DDX42: variants seen among roughly 807,000 people sequenced by gnomAD.
DDX42 encodes the protein DEAD-box helicase 42, also known as ATP-dependent RNA helicase DDX42.
In DDX42, 22 loss-of-function variants were observed where a neutral mutation model predicts 101.5. The observed-to-expected ratio is 0.22, with a 90% CI of 0.15 to 0.31. The LOEUF (loss-of-function observed/expected upper bound fraction) is 0.31, where lower values mean the gene tolerates loss of function less well. Ranked by LOEUF, DDX42 falls within the 10% of genes least tolerant of loss-of-function variation. The probability of loss-of-function intolerance (pLI) is 1.00; values close to 1 mark genes in which losing one functional copy is unlikely to be tolerated. For synonymous variants in DDX42, 402 were observed against 401.2 expected (o/e 1.00, Z -0.02); for missense variants, 849 against 1,199.9 (o/e 0.71, Z 4.32).
chr17:63,805,109 G>T lies in DDX42; in HGVS notation c.660G>T (p.Glu220Asp). The T allele has an allele frequency of 1.9e-6, 3 of 1,612,978 alleles. No individual in the cohort carries two copies. Among genetic ancestry groups the T allele is most frequent in the Non-Finnish European group, 2.5e-6 (3 of 1,179,772 alleles). ...CATTTGAAAAAAACTTTTACAATGA[G>T]CATGAAGAGATAACCAACCTCACTC... Reference protein sequence around the residue: ...YPPFEKNFYNEHEEITNLTPQ... With the variant: ...YPPFEKNFYNDHEEITNLTPQ... The change falls in exon 7 of 18, where the codon GAG (glutamate) becomes GAT (aspartate). Residue 220 changes from glutamate to aspartate, a missense_variant. Glu to Asp is a conservative substitution (Grantham distance 45). Transcript: ENST00000389924.
chr17:63,782,828 G>A (rs993062316), intron 1 of DDX42, among the ~76,000 whole-genome samples: 10 of 152,190 alleles, frequency 6.6e-5, no homozygotes, highest in Middle Eastern at 3.4e-3. Flanking sequence ...TAAAATTAAC[G>A]ATTCTTTGTA....
intron 1 of DDX42, among the ~76,000 whole-genome samples, chr17:63,785,197 A>C (rs554237779): frequency 6.6e-6 from 1 of 152,026 alleles, no homozygotes; most frequent in South Asian, 2.1e-4. Context: ...GGCCAGGTGC[A>C]GGGGCTCATG....
At chr17:63,811,391 T>C (rs901428220) in intron 13 of DDX42, 7 of 451,320 alleles carry the variant, frequency 1.6e-5, no homozygotes, top group Non-Finnish European at 2.8e-5. Flanking sequence ...ATGAGTTGAT[T>C]TTGTTCATTT....
In DDX42 at chr17:63,806,521, G is replaced by C. The variant is rs944761008; in HGVS notation, c.727-14G>C. The C allele has an allele frequency of 1.9e-6, 3 of 1,606,240 alleles. No homozygotes were observed. The highest frequency in any genetic ancestry group is 1.3e-5 in the African/African-American group (1 of 74,512). ...GAAGTACAAGTCATTCTGGGGAGTT[G>C]TCTCTATCTCTAGGTCTCTGGTGCT... On this transcript the variant is annotated splice_polypyrimidine_tract_variant and intron_variant, in intron 7 of 17. Transcript: ENST00000389924.
chr17:63,816,976 A>G lies in DDX42; in HGVS notation c.2112+10A>G. On this transcript the variant is annotated intron_variant, in intron 17 of 17. Transcript: ENST00000389924. Reference sequence around the variant, plus strand: ...GAAAGCAGCTTTCCAGGTCTGAAATAAGCATTTCATTAAAAGCACTTTCAG... The same window carrying G: ...GAAAGCAGCTTTCCAGGTCTGAAATGAGCATTTCATTAAAAGCACTTTCAG... The G allele has an allele frequency of 6.2e-7, 1 of 1,611,184 alleles. No individual in the cohort carries two copies. The highest frequency in any genetic ancestry group is 8.5e-7 in the Non-Finnish European group (1 of 1,177,984).
chr17:63,800,370 A>G lies in DDX42; in HGVS notation c.472-98A>G, dbSNP rs888022488. The stretch of plus-strand genomic sequence containing the variant: ...CTTGCCTTACTTGGTAGGTATGTTA[A>G]CTGTGCAATTATCTGGTACACTATG... On this transcript the variant is annotated intron_variant, in intron 5 of 17. Coordinates refer to ENST00000389924, the MANE Select transcript of DDX42 (RefSeq NM_203499.3). 54 of 1,164,242 alleles carry G rather than the reference A, an allele frequency of 4.6e-5. No individual in the cohort carries two copies. In the East Asian group the frequency reaches 1.0e-3, roughly 22 times the overall value. 72.1% of individuals were successfully genotyped at this position (1,164,242 alleles called of 1,614,324 possible).
chr17:63,818,611 G>A lies in DDX42; in HGVS notation c.*213G>A, dbSNP rs1468655571. Reference sequence around the variant, plus strand: ...GGTCCTTGGAAGCAGTGAGAGCTGGGAAGCTTCTTTTGGCTCTAGGTGAGT... The same window carrying A: ...GGTCCTTGGAAGCAGTGAGAGCTGGAAAGCTTCTTTTGGCTCTAGGTGAGT... On this transcript the variant is annotated 3_prime_UTR_variant, in exon 18 of 18. Transcript: ENST00000389924. The A allele has an allele frequency of 1.9e-6, 1 of 535,368 alleles. No homozygotes were observed. The highest frequency in any genetic ancestry group is 3.2e-5 in the East Asian group (1 of 31,642). 33.2% of individuals were successfully genotyped at this position (535,368 alleles called of 1,614,324 possible).
chr17:63,806,564 A>T lies in DDX42; in HGVS notation c.756A>T (p.Gly252=), dbSNP rs774857074. The T allele has an allele frequency of 2.7e-5, 43 of 1,613,408 alleles. No homozygotes were observed. The highest frequency in any genetic ancestry group is 3.5e-5 in the Non-Finnish European group (41 of 1,179,802). The part of the protein sequence containing the change: ...RVSGAAPPRP[G]SSFAHFGFDE... Reference sequence around the variant, plus strand: ...CTGGTGCTGCACCTCCTAGACCAGGAAGTAGCTTTGCTCATTTTGGGTTTG... The same window carrying T: ...CTGGTGCTGCACCTCCTAGACCAGGTAGTAGCTTTGCTCATTTTGGGTTTG... The change falls in exon 8 of 18, where the codon GGA becomes GGT. Residue 252 remains glycine (G), a synonymous_variant. Coordinates refer to ENST00000389924, the MANE Select transcript of DDX42 (RefSeq NM_203499.3).
intron 3 of DDX42, among the ~76,000 whole-genome samples, chr17:63,796,635 A>G (rs560169003): frequency 6.6e-6 from 1 of 152,310 alleles, no homozygotes; most frequent in South Asian, 2.1e-4. Flanking sequence ...AATTTTATAG[A>G]AAGTATAAAC....
chr17:63,775,816 A>G (rs1447799992), intron 1 of DDX42, among the ~76,000 whole-genome samples: 1 of 152,208 alleles, frequency 6.6e-6, no homozygotes, highest in East Asian at 1.9e-4. Context: ...CAGAGGAATG[A>G]TAATATCTGA....
At chr17:63,784,410 T>A (rs971003604) in intron 1 of DDX42, among the ~76,000 whole-genome samples, 2 of 152,246 alleles carry the variant, frequency 1.3e-5, no homozygotes, top group African/African-American at 2.4e-5. Context: ...TAAATCATAC[T>A]ACCCACCTTG....
rs552083832 is a variant in DDX42 at position 63,778,174 on chromosome 17, G to C, written c.-17+3798G>C. On this transcript the variant is annotated intron_variant, in intron 1 of 17. Coordinates refer to ENST00000389924, the MANE Select transcript of DDX42 (RefSeq NM_203499.3). Reference sequence around the variant, plus strand: ...CACACTATGCTACTCTACCAAAGGAGGTAAAACTTGCTTTTCTCTTTTCAC... The same window carrying C: ...CACACTATGCTACTCTACCAAAGGACGTAAAACTTGCTTTTCTCTTTTCAC... Among the ~76,000 whole-genome samples, 44 of 152,280 alleles carry C rather than the reference G, an allele frequency of 2.9e-4. 1 individual carries two copies. The highest frequency in any genetic ancestry group is 8.3e-4 in the South Asian group (4 of 4,828).
intron 13 of DDX42, 85 bp downstream of exon 13, chr17:63,811,258 T>TAA: frequency 3.8e-5 from 36 of 935,406 alleles, no homozygotes; most frequent in South Asian, 9.5e-5. Context: ...ACTATTGAGA[T>TAA]AAAAAAAAAA....
chr17:63,804,467 T>C (rs1030103017), intron 6 of DDX42, among the ~76,000 whole-genome samples: 7 of 152,190 alleles, frequency 4.6e-5, no homozygotes, highest in African/African-American at 1.4e-4. Context: ...TTAAACAGAA[T>C]AGAACTCCCT....
intron 17 of DDX42, 26 bp from the exon 18 acceptor site, chr17:63,817,668 A>G (rs2144595262): frequency 6.2e-7 from 1 of 1,602,940 alleles, no homozygotes; most frequent in East Asian, 2.2e-5. Context: ...TATCTTACCT[A>G]CTCCTGATGT....
Position 63,817,675 on chromosome 17 carries a change from A to T in DDX42, c.2113-19A>T, listed in dbSNP as rs758441629. The stretch of plus-strand genomic sequence containing the variant: ...GAACTTGCTATCTTACCTACTCCTG[A>T]TGTCTCTTTCTCTTTCAGTCACAGT... On this transcript the variant is annotated intron_variant, in intron 17 of 17. Coordinates refer to ENST00000389924, the MANE Select transcript of DDX42 (RefSeq NM_203499.3). 2 of 1,607,904 alleles carry T rather than the reference A, an allele frequency of 1.2e-6. No individual in the cohort carries two copies. The highest frequency in any genetic ancestry group is 1.7e-6 in the Non-Finnish European group (2 of 1,175,134).
At chr17:63,802,855 A>G (rs1355963044) in intron 6 of DDX42, among the ~76,000 whole-genome samples, 2 of 151,640 alleles carry the variant, frequency 1.3e-5, no homozygotes, top group East Asian at 3.9e-4. Flanking sequence ...GGTTGCAGTG[A>G]GCCGAGATCA....
At chr17:63,776,199 T>A (rs1296409992) in intron 1 of DDX42, 1 of 152,248 alleles carries the variant, frequency 6.6e-6, no homozygotes, top group Non-Finnish European at 1.5e-5. Flanking sequence ...GTCATTTAGA[T>A]CATATCTTAT....
Position 63,816,927 on chromosome 17 carries a change from T to C in DDX42, c.2073T>C (p.Ala691=), listed in dbSNP as rs778844382. 3.7e-6 allele frequency: 6 copies of C among 1,613,942 alleles called. No homozygotes were observed. Among genetic ancestry groups the C allele is most frequent in the Non-Finnish European group, 5.1e-6 (6 of 1,179,994 alleles). The change falls in exon 17 of 18, where the codon GCT becomes GCC. Residue 691 remains alanine (A), a synonymous_variant. Transcript: ENST00000389924. ...NYEAYKPSTG[A]MGDRLTAMKA... ...AGGCCTACAAGCCTTCCACAGGAGC[T>C]ATGGGAGATCGACTAACGGCAATGA...
Sources: allele counts gnomAD v4.1 joint callset (sites outside exome capture counted in the v4.1 genomes callset), GRCh38; gene constraint gnomAD v4.1.1; transcripts MANE v1.5; gene names NCBI Gene and HGNC (gene_info 2026-07-23, HGNC 2026-07-21).